NXPH1: variants seen among roughly 807,000 people sequenced by gnomAD.
NXPH1 encodes the protein neurexophilin-1.
Under a neutral mutation model 23.7 loss-of-function variants are expected in NXPH1, and 5 were observed. The ratio of observed to expected loss-of-function variants is 0.21; its 90% CI spans 0.11 to 0.44. NXPH1 has a LOEUF of 0.44. NXPH1 is among the 20% of genes least tolerant of loss of function. The pLI is 0.99. For missense variants in NXPH1, 324 were observed against 321.6 expected, an observed-to-expected ratio of 1.01 and a Z score of -0.06; for synonymous variants, 144 against 122.2, an observed-to-expected ratio of 1.18 and a Z score of -1.18.
rs527561817 is a variant in NXPH1, at chr7:8,574,534, A to G, written c.54+138767A>G. On this transcript the variant is annotated intron_variant, in intron 2 of 2. Coordinates refer to ENST00000405863, the MANE Select transcript of NXPH1 (RefSeq NM_152745.3). ...GATGGAATCTGTTAACTTCTTTCAC[A>G]TGAGTGCATACCCACAAAAAGGAAG... Among the ~76,000 whole-genome samples, 8 of 152,272 alleles carry G rather than the reference A, an allele frequency of 5.3e-5. No individual in the cohort carries two copies. In the East Asian group the frequency reaches 9.7e-4, roughly 18 times the overall value.
At chr7:8,674,198 CACA>C (rs1820914487) in intron 2 of NXPH1, among the ~76,000 whole-genome samples, 1 of 143,996 alleles carries the variant, frequency 6.9e-6, no homozygotes, top group East Asian at 2.2e-4. Flanking sequence ...CACACACACA[CACA>C]CACCTATGCA....
At chr7:8,705,340 T>C (rs1403950471) in intron 2 of NXPH1, among the ~76,000 whole-genome samples, 2 of 152,158 alleles carry the variant, frequency 1.3e-5, no homozygotes, top group African/African-American at 2.4e-5. Flanking sequence ...TCAGGTTCCA[T>C]ACATTTATCC....
intron 2 of NXPH1, among the ~76,000 whole-genome samples, chr7:8,700,702 G>T (rs1345624848): frequency 6.6e-6 from 1 of 152,068 alleles, no homozygotes; most frequent in Non-Finnish European, 1.5e-5. Flanking sequence ...ATTTGGGGTA[G>T]CTCCCTTTAC....
chr7:8,446,556 C>A (rs1363172735), intron 2 of NXPH1, among the ~76,000 whole-genome samples: 1 of 152,144 alleles, frequency 6.6e-6, no homozygotes, highest in Non-Finnish European at 1.5e-5. Flanking sequence ...ATTTTAGCAT[C>A]AAACATAATA....
intron 2 of NXPH1, among the ~76,000 whole-genome samples, chr7:8,445,952 C>G (rs565472060): frequency 6.6e-6 from 1 of 152,172 alleles, no homozygotes; most frequent in Non-Finnish European, 1.5e-5. Flanking sequence ...GCACTCCAAC[C>G]TCTTCAACTG....
At position 8,621,978 on chromosome 7, in the gene NXPH1, C is replaced by A. The variant is rs545399630; in HGVS notation, c.55-129030C>A. Among the ~76,000 whole-genome samples, 8 of 152,248 alleles carry A rather than the reference C, an allele frequency of 5.3e-5. No individual in the cohort carries two copies. The East Asian group carries it at 1.4e-3, about 26-fold the overall frequency. ...ATCTGTCTAAGATGAACAGAGCAGTCACTTTGCACATGTCATGTAAGTTTA... is the reference window on the plus strand; with the variant it reads ...ATCTGTCTAAGATGAACAGAGCAGTAACTTTGCACATGTCATGTAAGTTTA... On this transcript the variant is annotated intron_variant, in intron 2 of 2. Coordinates refer to ENST00000405863, the MANE Select transcript of NXPH1 (RefSeq NM_152745.3).
intron 2 of NXPH1, among the ~76,000 whole-genome samples, chr7:8,707,865 A>G (rs530172114): frequency 1.3e-5 from 2 of 152,280 alleles, no homozygotes; most frequent in South Asian, 4.1e-4. Context: ...TTATTGGAAC[A>G]ATTAACTTTT....
chr7:8,710,611 G>T (rs1463205406), intron 2 of NXPH1, among the ~76,000 whole-genome samples: 1 of 138,754 alleles, frequency 7.2e-6, no homozygotes, highest in Non-Finnish European at 1.6e-5. Flanking sequence ...TTTCTACATG[G>T]TTGTTGAACA....
Position 8,752,848 on chromosome 7 carries a change from A to C in NXPH1, c.*1079A>C, listed in dbSNP as rs1209137361. 1.3e-5 allele frequency: 2 copies of C among 152,592 alleles called. No individual in the cohort carries two copies. The highest frequency in any genetic ancestry group is 4.8e-5 in the African/African-American group (2 of 41,456). The allele number at this position is 152,592 out of a possible 1,614,324, so 9.5% of individuals were successfully genotyped here. A position where few individuals can be genotyped will look rare whatever the true frequency, so the allele number is the denominator to read the frequency against. ...ATGTACAGAGCATTTATTCAGATCA[A>C]GTATTGTTGAAAGCTATACATATAC... On this transcript the variant is annotated 3_prime_UTR_variant, in exon 3 of 3. Coordinates refer to ENST00000405863, the MANE Select transcript of NXPH1 (RefSeq NM_152745.3).
intron 2 of NXPH1, among the ~76,000 whole-genome samples, chr7:8,545,259 C>A (rs1818181884): frequency 6.6e-6 from 1 of 151,500 alleles, no homozygotes; most frequent in Admixed American, 6.6e-5. Context: ...AGGACAATTT[C>A]TACTCTTGGG....
chr7:8,579,106 G>A (rs80026829), intron 2 of NXPH1, among the ~76,000 whole-genome samples: 3,301 of 152,290 alleles, frequency 0.022, 49 homozygotes, highest in Non-Finnish European at 0.035. Context: ...AACGTGAAGT[G>A]CAAGGCTGCG....
rs116332215 is a variant in NXPH1 at position 8,633,950 on chromosome 7, C to G, written c.55-117058C>G. Among the ~76,000 whole-genome samples the G allele has an allele frequency of 2.9e-3, 447 of 152,204 alleles. 4 individuals are homozygous for G. The highest frequency in any genetic ancestry group is 0.01 in the African/African-American group (417 of 41,524). ...CCAGTTTCCTTATTTATGAAAACAC[C>G]TTTGCTTAAGAGCATCTGTAAATAG... On this transcript the variant is annotated intron_variant, in intron 2 of 2. Transcript: ENST00000405863.
intron 2 of NXPH1, among the ~76,000 whole-genome samples, chr7:8,469,767 T>C (rs143926333): frequency 7.9e-5 from 12 of 152,284 alleles, no homozygotes; most frequent in African/African-American, 2.6e-4. Flanking sequence ...TCCATATGTA[T>C]GATAACTACC....
intron 2 of NXPH1, among the ~76,000 whole-genome samples, chr7:8,615,498 C>T (rs536300956): frequency 5.9e-5 from 9 of 152,162 alleles, no homozygotes; most frequent in African/African-American, 2.2e-4. Flanking sequence ...ACACTTCCCT[C>T]AGATGGGAGG....
At chr7:8,618,725 G>A (rs955050994) in intron 2 of NXPH1, among the ~76,000 whole-genome samples, 2 of 152,174 alleles carry the variant, frequency 1.3e-5, no homozygotes, top group African/African-American at 4.8e-5. Flanking sequence ...TTCATTTTGA[G>A]AGCCTTCTGA....
chr7:8,590,029 T>C (rs1277520371), intron 2 of NXPH1, among the ~76,000 whole-genome samples: 2 of 152,118 alleles, frequency 1.3e-5, no homozygotes, highest in Admixed American at 1.3e-4. Flanking sequence ...GAAAGCTCTA[T>C]TGGATAGCAC....
rs1029649446 is a variant in NXPH1, at chr7:8,727,017, T to C, written c.55-23991T>C. 2.0e-5 allele frequency among the ~76,000 whole-genome samples: 3 copies of C among 146,834 alleles called. No homozygotes were observed. The South Asian group carries it at 6.6e-4, about 32-fold the overall frequency. On this transcript the variant is annotated intron_variant, in intron 2 of 2. Transcript: ENST00000405863. ...CACCTGTTGTTTCCTGACTTTTTAA[T>C]GATTGTCATTCTAACTGGTGTGAGA...
chr7:8,443,005 C>T (rs1445780795), intron 2 of NXPH1, among the ~76,000 whole-genome samples: 1 of 152,264 alleles, frequency 6.6e-6, no homozygotes, highest in Non-Finnish European at 1.5e-5. Context: ...ACAGGCTCCG[C>T]CCCGCCTGGT....
At chr7:8,750,026 C>A (rs892900825) in intron 2 of NXPH1, among the ~76,000 whole-genome samples, 2 of 152,116 alleles carry the variant, frequency 1.3e-5, no homozygotes, top group African/African-American at 4.8e-5. Flanking sequence ...CACAATCCAC[C>A]CTGAAGTGAC....
Sources: allele counts gnomAD v4.1 joint callset (sites outside exome capture counted in the v4.1 genomes callset), GRCh38; gene constraint gnomAD v4.1.1; transcripts MANE v1.5; gene names NCBI Gene and HGNC (gene_info 2026-07-23, HGNC 2026-07-21).